PREPL: variants seen among roughly 807,000 people sequenced by gnomAD.
PREPL encodes the protein prolyl endopeptidase-like.
In PREPL, 77 loss-of-function variants were observed where a neutral mutation model predicts 70.6. The observed-to-expected ratio is 1.09, with a 90% CI of 0.91 to 1.32. The LOEUF (loss-of-function observed/expected upper bound fraction) is 1.32. PREPL is among the 40% of genes most tolerant of loss of function. The pLI is 0.00. For synonymous variants in PREPL, 315 were observed against 264.8 expected (o/e 1.19, Z -1.84); for missense variants, 1,002 against 778.2 (o/e 1.29, Z -3.42).
Position 44,342,447 on chromosome 2 carries a change from T to C in PREPL, c.455A>G (p.Asn152Ser), listed in dbSNP as rs763348800. ...YRATFGDNKR[N>S]ERFYTEKDPS... ...GTCTTTTTCTGTGTAAAAGCGTTCA[T>C]TACGTTTGTTATCACCAAAAGTGGC... Residue 152 changes from asparagine (N) to serine (S), a missense_variant, in exon 5 of 14, where the codon AAT (asparagine) becomes AGT (serine). Coordinates refer to ENST00000409411, the MANE Select transcript of PREPL (RefSeq NM_001171613.2). 2.1e-5 allele frequency: 34 copies of C among 1,613,192 alleles called. No individual in the cohort carries two copies. Among genetic ancestry groups the C allele is most frequent in the Admixed American group, 1.7e-4 (10 of 59,938 alleles).
intron 1 of PREPL, among the ~76,000 whole-genome samples, chr2:44,360,890 G>C (rs955719180): frequency 4.6e-5 from 7 of 152,150 alleles, no homozygotes; most frequent in Non-Finnish European, 1.0e-4. Flanking sequence ...TGGTATCAAA[G>C]GTAGAATGCT....
At chr2:44,348,174 G>T (rs920057523) in intron 1 of PREPL, among the ~76,000 whole-genome samples, 4 of 152,086 alleles carry the variant, frequency 2.6e-5, no homozygotes, top group African/African-American at 9.7e-5. Flanking sequence ...ATAGATAGGT[G>T]TGTGCCTCCT....
At chr2:44,346,447 CT>C in intron 1 of PREPL, 57 bp from the exon 2 acceptor site, 4 of 1,546,510 alleles carry the variant, frequency 2.6e-6, no homozygotes, top group Non-Finnish European at 3.5e-6. Context: ...AAAACTTTTG[CT>C]TTTTAAAGAT....
At chr2:44,333,219 C>A (rs2103847685) in intron 7 of PREPL, among the ~76,000 whole-genome samples, 1 of 152,266 alleles carries the variant, frequency 6.6e-6, no homozygotes, top group South Asian at 2.1e-4. Context: ...TTGTGCAGAA[C>A]AAAACCTCTT....
At chr2:44,360,603 T>TA (rs959561453) in intron 1 of PREPL, 13 of 152,200 alleles carry the variant, frequency 8.5e-5, no homozygotes, top group African/African-American at 2.9e-4. Flanking sequence ...AATAAGTAGT[T>TA]AAGAGTCAGA....
At chr2:44,352,767 T>A (rs1676587668) in intron 1 of PREPL, among the ~76,000 whole-genome samples, 1 of 151,930 alleles carries the variant, frequency 6.6e-6, no homozygotes, top group South Asian at 2.1e-4. Context: ...TAACAAAAGA[T>A]ATCACAAAGT....
chr2:44,341,875 T>G (rs949182863), intron 5 of PREPL, among the ~76,000 whole-genome samples: 1 of 152,154 alleles, frequency 6.6e-6, no homozygotes, highest in Admixed American at 6.5e-5. Context: ...TAATACATTT[T>G]TGAGTTAGTT....
intron 1 of PREPL, among the ~76,000 whole-genome samples, chr2:44,353,590 AAAAT>A (rs905955401): frequency 1.2e-4 from 18 of 151,488 alleles, no homozygotes; most frequent in Admixed American, 8.5e-4. Flanking sequence ...TCCATCTCAA[AAAAT>A]AAATAAATAA....
At position 44,322,790 on chromosome 2, in the gene PREPL, A is replaced by G; in HGVS notation, c.1694T>C (p.Val565Ala). The G allele has an allele frequency of 6.2e-7, 1 of 1,613,966 alleles. No homozygotes were observed. ...TTCCTTGAGTTTCTCAGTATAACTT[A>G]CAATTCCTTTCAGAGGTACCCGTTC... ...NDERVPLKGI[V>A]SYTEKLKEAI... Residue 565 changes from valine to alanine, a missense_variant, in exon 12 of 14, where the codon GTA (valine) becomes GCA (alanine). By Grantham distance (64) the Val-to-Ala change is moderately conservative. Transcript: ENST00000409411.
At chr2:44,322,632 C>G (rs1673087740) in intron 12 of PREPL, 99 bp downstream of exon 12, 2 of 1,434,794 alleles carry the variant, frequency 1.4e-6, no homozygotes, top group East Asian at 4.6e-5. Flanking sequence ...AAATCCTGGG[C>G]AGATGATTTG....
intron 8 of PREPL, among the ~76,000 whole-genome samples, chr2:44,332,207 A>G (rs904941085): frequency 2.0e-5 from 3 of 152,088 alleles, no homozygotes; most frequent in African/African-American, 7.2e-5. Context: ...CGGCCTCCCA[A>G]AGTGCTGGGA....
chr2:44,339,102 C>T, intron 6 of PREPL, 45 bp downstream of exon 6: 1 of 1,602,322 alleles, frequency 6.2e-7, no homozygotes, highest in East Asian at 2.2e-5. Flanking sequence ...CGAAGTGTGA[C>T]ACTTCTTAAC....
At chr2:44,350,693 C>G (rs562721479) in intron 1 of PREPL, among the ~76,000 whole-genome samples, 1 of 152,234 alleles carries the variant, frequency 6.6e-6, no homozygotes, top group East Asian at 1.9e-4. Flanking sequence ...TCTCCTTACC[C>G]CTTCTCTAGA....
Position 44,326,760 on chromosome 2 carries a change from T to C in PREPL, c.1431A>G (p.Gly477=). The change falls in exon 10 of 14, where the codon GGA becomes GGG. Residue 477 remains glycine (G), a synonymous_variant. Transcript: ENST00000409411. ...GCTCTGGATTAGAATTACACAATGC[T>C]CCTGCAAGCACCCCTCCAGCACTGA... ...TAFSAGGVLA[G]ALCNSNPELV... The C allele has an allele frequency of 1.2e-6, 2 of 1,614,114 alleles. No individual in the cohort carries two copies. Among genetic ancestry groups the C allele is most frequent in the Non-Finnish European group, 1.7e-6 (2 of 1,180,024 alleles).
chr2:44,324,600 G>A (rs569394637), intron 10 of PREPL, among the ~76,000 whole-genome samples: 11 of 152,120 alleles, frequency 7.2e-5, no homozygotes, highest in South Asian at 2.1e-4. Flanking sequence ...AGGCTGGGTC[G>A]CACATGGTGG....
At chr2:44,326,153 T>C (rs1330320886) in intron 10 of PREPL, among the ~76,000 whole-genome samples, 1 of 152,146 alleles carries the variant, frequency 6.6e-6, no homozygotes, top group East Asian at 1.9e-4. Flanking sequence ...TTTTCACCAA[T>C]TCTAAATGTC....
chr2:44,326,746 G>T lies in PREPL; in HGVS notation c.1445C>A (p.Ser482Tyr), dbSNP rs13402626. The T allele has an allele frequency of 1.2e-6, 2 of 1,614,110 alleles. No homozygotes were observed. Among genetic ancestry groups the T allele is most frequent in the African/African-American group, 2.7e-5 (2 of 75,018 alleles). ...GGVLAGALCN[S>Y]NPELVRAVTL... ...CACCGCTCTCACCAGCTCTGGATTA[G>T]AATTACACAATGCTCCTGCAAGCAC... Residue 482 changes from serine to tyrosine, a missense_variant, in exon 10 of 14, where the codon TCT becomes TAT. Transcript: ENST00000409411.
At position 44,318,462 on chromosome 2, in the gene PREPL, C is replaced by T. The variant is rs1452261409; in HGVS notation, c.*2894G>A. The stretch of plus-strand genomic sequence containing the variant: ...TTTATCAACAGAAAACCAGTTCTAT[C>T]AACTATGGGCCCAGTATGCAGCTTT... On this transcript the variant is annotated 3_prime_UTR_variant, in exon 14 of 14. Coordinates refer to ENST00000409411, the MANE Select transcript of PREPL (RefSeq NM_001171613.2). 5.8e-6 allele frequency: 1 copy of T among 172,414 alleles called. No homozygotes were observed. Among genetic ancestry groups the T allele is most frequent in the African/African-American group, 2.4e-5 (1 of 41,574 alleles). 10.7% of individuals were successfully genotyped at this position (172,414 alleles called of 1,614,324 possible).
rs1672773760 is a variant in PREPL at position 44,319,847 on chromosome 2, T to G, written c.*1509A>C. 1 of 211,860 alleles carries G rather than the reference T, an allele frequency of 4.7e-6. No homozygotes were observed. Among genetic ancestry groups the G allele is most frequent in the South Asian group, 7.9e-5 (1 of 12,688 alleles). The allele number at this position is 211,860 out of a possible 1,614,324, so 13.1% of individuals were successfully genotyped here. On this transcript the variant is annotated 3_prime_UTR_variant, in exon 14 of 14. Coordinates refer to ENST00000409411, the MANE Select transcript of PREPL (RefSeq NM_001171613.2). ...GCCTTCTTTCTGGCCATCTGGCAGT[T>G]ACAATATAGCACAGAATGACTATGC...
Sources: allele counts gnomAD v4.1 joint callset (sites outside exome capture counted in the v4.1 genomes callset), GRCh38; gene constraint gnomAD v4.1.1; transcripts MANE v1.5; gene names NCBI Gene and HGNC (gene_info 2026-07-23, HGNC 2026-07-21).